Variants in SLC25A26 observed in about 807,000 individuals in gnomAD.
SLC25A26 encodes mitochondrial S-adenosylmethionine carrier protein.
SLC25A26 carries 36 observed loss-of-function variants against 37.8 expected under a neutral mutation model. That is an observed-to-expected ratio of 0.95 (90% CI 0.73 to 1.26). SLC25A26 has a LOEUF of 1.26. Ranked by LOEUF, SLC25A26 falls within the 50% of genes most tolerant of loss-of-function variation. The pLI, the probability that SLC25A26 is intolerant of heterozygous loss-of-function variation, is 0.00. For synonymous variants in SLC25A26, 129 were observed against 122.5 expected, an observed-to-expected ratio of 1.05 and a Z score of -0.35; for missense variants, 390 against 331.1, an observed-to-expected ratio of 1.18 and a Z score of -1.38.
chr3:66,152,999 T>G (rs1396897637), intron 1 of SLC25A26, among the ~76,000 whole-genome samples: 1 of 152,232 alleles, frequency 6.6e-6, no homozygotes, highest in Admixed American at 6.5e-5. Flanking sequence ...TGATCCAAGT[T>G]TTTAAAAGAC....
chr3:66,177,901 C>A (rs1214133709), intron 1 of SLC25A26, among the ~76,000 whole-genome samples: 2 of 152,150 alleles, frequency 1.3e-5, no homozygotes, highest in African/African-American at 2.4e-5. Flanking sequence ...TGGGCAGCTG[C>A]TCTTTTATTC....
At chr3:66,309,973 C>T (rs1304987006) in intron 5 of SLC25A26, among the ~76,000 whole-genome samples, 1 of 152,098 alleles carries the variant, frequency 6.6e-6, no homozygotes, top group African/African-American at 2.4e-5. Flanking sequence ...AATGTATATT[C>T]TGTTGATTTG....
chr3:66,207,911 C>G (rs1376529371), intron 1 of SLC25A26, among the ~76,000 whole-genome samples: 1 of 152,116 alleles, frequency 6.6e-6, no homozygotes, highest in Non-Finnish European at 1.5e-5. Flanking sequence ...AGTTTATCAG[C>G]AAGATAGAGG....
At chr3:66,315,833 T>C (rs910629064) in intron 5 of SLC25A26, among the ~76,000 whole-genome samples, 3 of 152,206 alleles carry the variant, frequency 2.0e-5, no homozygotes, top group Non-Finnish European at 4.4e-5. Flanking sequence ...TAGTTAGCTC[T>C]TCTTCTTGAT....
chr3:66,266,316 A>G (rs1264083236), intron 5 of SLC25A26, among the ~76,000 whole-genome samples: 1 of 152,226 alleles, frequency 6.6e-6, no homozygotes, highest in East Asian at 1.9e-4. Context: ...TTTATGCATT[A>G]TAAATAGTTT....
chr3:66,363,935 G>A (rs1406615382), intron 7 of SLC25A26, among the ~76,000 whole-genome samples: 3 of 152,106 alleles, frequency 2.0e-5, no homozygotes, highest in Non-Finnish European at 4.4e-5. Context: ...ATGACACATA[G>A]TCATTAGCTG....
chr3:66,202,609 T>A (rs1188750762), intron 1 of SLC25A26, among the ~76,000 whole-genome samples: 3 of 151,834 alleles, frequency 2.0e-5, no homozygotes, highest in African/African-American at 7.3e-5. Flanking sequence ...CCAAGCTTGC[T>A]TCGTTGTAAG....
intron 6 of SLC25A26, among the ~76,000 whole-genome samples, chr3:66,347,964 G>C (rs2076364828): frequency 6.6e-6 from 1 of 152,164 alleles, no homozygotes; most frequent in Non-Finnish European, 1.5e-5. Flanking sequence ...CACAATGACT[G>C]GGGCCTGTTG....
intron 5 of SLC25A26, among the ~76,000 whole-genome samples, chr3:66,303,815 G>A (rs2075141163): frequency 6.6e-6 from 1 of 152,180 alleles, no homozygotes; most frequent in African/African-American, 2.4e-5. Flanking sequence ...AGGTGTTGCA[G>A]GGACTGTGAT....
chr3:66,230,714 A>C (rs1329014590), intron 1 of SLC25A26, among the ~76,000 whole-genome samples: 1 of 147,796 alleles, frequency 6.8e-6, no homozygotes, highest in Admixed American at 6.9e-5. Flanking sequence ...CTGAGGCGGG[A>C]GAATCAATTG....
intron 1 of SLC25A26, among the ~76,000 whole-genome samples, chr3:66,198,150 A>G (rs1355856033): frequency 1.3e-5 from 2 of 151,974 alleles, no homozygotes; most frequent in African/African-American, 2.4e-5. Flanking sequence ...TCAGTGTAAG[A>G]GTATTATCTG....
intron 1 of SLC25A26, among the ~76,000 whole-genome samples, chr3:66,164,590 G>T (rs892464451): frequency 2.0e-5 from 3 of 152,142 alleles, no homozygotes; most frequent in African/African-American, 7.2e-5. Flanking sequence ...TACCGTCAAT[G>T]ACTTGGACTA....
chr3:66,338,021 A>C (rs944359008), intron 5 of SLC25A26, among the ~76,000 whole-genome samples: 5 of 151,942 alleles, frequency 3.3e-5, no homozygotes, highest in African/African-American at 1.2e-4. Flanking sequence ...ATTCCCAGAA[A>C]GTTCTCTCAT....
Position 66,243,324 on chromosome 3 carries a change from G to C in SLC25A26, c.300+12G>C, listed in dbSNP as rs1169113475. The stretch of plus-strand genomic sequence containing the variant: ...CTGCTGGAGAAGTGGTAAGTAACAA[G>C]TTTTGTGTATAAAATACTTCAGAAA... On this transcript the variant is annotated intron_variant, in intron 3 of 9. Transcript: ENST00000354883. 21 of 1,395,736 alleles carry C rather than the reference G, an allele frequency of 1.5e-5. No individual in the cohort carries two copies. In the East Asian group the frequency reaches 4.1e-4, roughly 28 times the overall value. 86.5% of individuals were successfully genotyped at this position (1,395,736 alleles called of 1,614,324 possible).
chr3:66,226,701 A>C (rs1381051577), intron 1 of SLC25A26, among the ~76,000 whole-genome samples: 1 of 152,130 alleles, frequency 6.6e-6, no homozygotes, highest in Non-Finnish European at 1.5e-5. Flanking sequence ...GGCCTCAAGC[A>C]ATCCTCCTGA....
chr3:66,334,368 G>A (rs1338373063), intron 5 of SLC25A26, among the ~76,000 whole-genome samples: 1 of 152,160 alleles, frequency 6.6e-6, no homozygotes, highest in Non-Finnish European at 1.5e-5. Flanking sequence ...AGGCTGGAGT[G>A]CAGTGGCATG....
intron 5 of SLC25A26, among the ~76,000 whole-genome samples, chr3:66,316,752 C>T (rs570330419): frequency 2.6e-5 from 4 of 152,174 alleles, no homozygotes; most frequent in African/African-American, 9.6e-5. Context: ...TTTCAGGTAC[C>T]CCATCAGCTG....
At chr3:66,289,224 C>A (rs537939727) in intron 5 of SLC25A26, among the ~76,000 whole-genome samples, 1 of 152,104 alleles carries the variant, frequency 6.6e-6, no homozygotes, top group East Asian at 1.9e-4. Flanking sequence ...TGGATATTAG[C>A]CCTTTGTCAG....
chr3:66,152,402 G>T (rs900608874), intron 1 of SLC25A26, among the ~76,000 whole-genome samples: 3 of 152,176 alleles, frequency 2.0e-5, no homozygotes, highest in Non-Finnish European at 4.4e-5. Context: ...AAAAAATAAG[G>T]GTGATTTATT....
Sources: allele counts gnomAD v4.1 joint callset (sites outside exome capture counted in the v4.1 genomes callset), GRCh38; gene constraint gnomAD v4.1.1; transcripts MANE v1.5; gene names NCBI Gene and HGNC (gene_info 2026-07-23, HGNC 2026-07-21).